Variants in PTPRG observed in about 807,000 individuals in gnomAD.
PTPRG encodes the protein protein tyrosine phosphatase receptor type G.
Under a neutral mutation model 165.3 loss-of-function variants are expected in PTPRG, and 102 were observed. The observed-to-expected ratio is 0.62, with a 90% CI of 0.53 to 0.73. The LOEUF (loss-of-function observed/expected upper bound fraction) is 0.73, where lower values mean the gene tolerates loss of function less well. Ranked by LOEUF, PTPRG falls within the 30% of genes least tolerant of loss-of-function variation. PTPRG has a pLI of 0.00. For synonymous variants in PTPRG, 675 were observed against 669.5 expected (o/e 1.01, Z -0.13); for missense variants, 1,866 against 1,861.4 (o/e 1.00, Z -0.05).
chr3:61,973,833 AAAATAAATAAAT>A (rs147291562), intron 2 of PTPRG, among the ~76,000 whole-genome samples: 1 of 150,160 alleles, frequency 6.7e-6, no homozygotes, highest in Admixed American at 6.6e-5. Flanking sequence ...ACTCCATTTC[AAAATAAATAAAT>A]AAATAAATAA....
chr3:62,224,444 T>G lies in PTPRG; in HGVS notation c.2288+5461T>G, dbSNP rs1471298585. 1.3e-5 allele frequency among the ~76,000 whole-genome samples: 2 copies of G among 152,210 alleles called. No individual in the cohort carries two copies. Among genetic ancestry groups the G allele is most frequent in the South Asian group, 4.1e-4 (2 of 4,830 alleles). ...GAGGAGGCACCAAGCTCTCAACTGC[T>G]TGGCCTAGAAGTGGAACCCTTCACT... is the stretch of plus-strand genomic sequence containing the variant. On this transcript the variant is annotated intron_variant, in intron 13 of 29. Coordinates refer to ENST00000474889, the MANE Select transcript of PTPRG (RefSeq NM_002841.4). The surrounding 1 kb of genome is among the most constrained non-coding windows in gnomAD (Gnocchi z 4.9).
chr3:62,125,590 C>T (rs1003588885), intron 5 of PTPRG, among the ~76,000 whole-genome samples: 2 of 152,000 alleles, frequency 1.3e-5, no homozygotes, highest in African/African-American at 4.8e-5. Context: ...AGTTGTCCAG[C>T]ACTGCCACAC....
chr3:62,177,613 C>G (rs1705473222), intron 8 of PTPRG, among the ~76,000 whole-genome samples: 1 of 152,036 alleles, frequency 6.6e-6, no homozygotes, highest in Non-Finnish European at 1.5e-5. Flanking sequence ...CAAGTCCTGT[C>G]CCCCTCTCCA....
chr3:61,641,787 A>G (rs956968830), intron 1 of PTPRG, among the ~76,000 whole-genome samples: 1 of 152,216 alleles, frequency 6.6e-6, no homozygotes, highest in African/African-American at 2.4e-5. Flanking sequence ...GACATGGGCT[A>G]TCATTTCAGT....
intron 1 of PTPRG, chr3:61,742,978 TGG>T (rs2033054886): frequency 6.6e-7 from 1 of 1,515,098 alleles, no homozygotes; most frequent in African/African-American, 1.4e-5. Flanking sequence ...CTTGTCCTTC[TGG>T]GGGTCATAGT....
intron 1 of PTPRG, among the ~76,000 whole-genome samples, chr3:61,731,939 T>C (rs1166911133): frequency 1.3e-5 from 2 of 151,990 alleles, no homozygotes; most frequent in African/African-American, 4.8e-5. Context: ...ATAACTGGTA[T>C]TACAGGCGCC....
intron 2 of PTPRG, among the ~76,000 whole-genome samples, chr3:61,936,242 TG>T (rs1164364318): frequency 6.6e-6 from 1 of 152,204 alleles, no homozygotes; most frequent in Non-Finnish European, 1.5e-5. Context: ...GCAGGAATTT[TG>T]TTACAGCAGC....
chr3:62,272,195 T>C (rs927926277), intron 21 of PTPRG, among the ~76,000 whole-genome samples: 1 of 152,200 alleles, frequency 6.6e-6, no homozygotes, highest in Non-Finnish European at 1.5e-5. Flanking sequence ...ACAAGAACTT[T>C]CCACACTAGA....
intron 28 of PTPRG, among the ~76,000 whole-genome samples, chr3:62,287,782 G>C (rs1349838631): frequency 6.6e-6 from 1 of 152,158 alleles, no homozygotes; most frequent in Non-Finnish European, 1.5e-5. Flanking sequence ...TAGTGATATA[G>C]AGAAGTTCGC....
intron 2 of PTPRG, among the ~76,000 whole-genome samples, chr3:61,985,703 A>G (rs950278729): frequency 1.3e-5 from 2 of 152,214 alleles, no homozygotes; most frequent in Non-Finnish European, 2.9e-5. Flanking sequence ...TTGATCATTA[A>G]GACTAAATTT....
chr3:62,237,119 A>T lies in PTPRG; in HGVS notation c.2375+5808A>T, dbSNP rs2106936216. Among the ~76,000 whole-genome samples, 1 of 152,262 alleles carries T rather than the reference A, an allele frequency of 6.6e-6. No individual in the cohort carries two copies. The highest frequency in any genetic ancestry group is 2.1e-4 in the South Asian group (1 of 4,820). ...TAAATTATTTCCAGGTTCTTGTCAG[A>T]AGGGCAGAAAAAGATATAAGAAAAT... On this transcript the variant is annotated intron_variant, in intron 14 of 29. Coordinates refer to ENST00000474889, the MANE Select transcript of PTPRG (RefSeq NM_002841.4). This position sits in a 1 kb window ranked among gnomAD's most constrained non-coding sequence, Gnocchi z 4.5.
intron 3 of PTPRG, among the ~76,000 whole-genome samples, chr3:61,994,523 A>T (rs1185277370): frequency 6.6e-6 from 1 of 152,196 alleles, no homozygotes; most frequent in Non-Finnish European, 1.5e-5. Context: ...TTCAATTCAC[A>T]CAAGAATCAA....
intron 4 of PTPRG, among the ~76,000 whole-genome samples, chr3:62,027,605 C>T (rs895684784): frequency 3.9e-5 from 6 of 152,162 alleles, no homozygotes; most frequent in South Asian, 2.1e-4. Context: ...CAAATATTTT[C>T]GAGTGCCAAC....
rs537454595 is a variant in PTPRG, at chr3:62,186,446, G to A, written c.1034-5023G>A. Among the ~76,000 whole-genome samples, 11 of 152,212 alleles carry A rather than the reference G, an allele frequency of 7.2e-5. No individual in the cohort carries two copies. The South Asian group carries it at 2.3e-3, about 32-fold the overall frequency. On this transcript the variant is annotated intron_variant, in intron 8 of 29. Coordinates refer to ENST00000474889, the MANE Select transcript of PTPRG (RefSeq NM_002841.4). ...GGGGACACAGAGGTGGGTAGGTGGT[G>A]AGGACAGAGGGTGATGGGCACACAG...
intron 4 of PTPRG, among the ~76,000 whole-genome samples, chr3:62,032,018 G>A (rs1699785504): frequency 6.6e-6 from 1 of 152,164 alleles, no homozygotes; most frequent in Non-Finnish European, 1.5e-5. Context: ...GATTTGAGAG[G>A]CATTAATATG....
chr3:61,665,686 G>C (rs946974779), intron 1 of PTPRG, among the ~76,000 whole-genome samples: 1 of 152,022 alleles, frequency 6.6e-6, no homozygotes, highest in African/African-American at 2.4e-5. Flanking sequence ...AAATTAACTG[G>C]GTGTGGTGGC....
At chr3:62,150,728 A>G (rs560654339) in intron 6 of PTPRG, among the ~76,000 whole-genome samples, 3 of 152,348 alleles carry the variant, frequency 2.0e-5, no homozygotes, top group Admixed American at 6.5e-5. Flanking sequence ...GGCTAAAAAC[A>G]GAAGCTTGGG....
intron 2 of PTPRG, among the ~76,000 whole-genome samples, chr3:61,988,707 C>G (rs1192147022): frequency 6.6e-6 from 1 of 152,134 alleles, no homozygotes; most frequent in African/African-American, 2.4e-5. Context: ...CAGTCTTAAT[C>G]TTTCCAGTAA....
chr3:62,061,909 C>T lies in PTPRG; in HGVS notation c.520-16254C>T, dbSNP rs181566650. On this transcript the variant is annotated intron_variant, in intron 4 of 29. Transcript: ENST00000474889. ...CCTCCCAAAGTGTTAGGATTACAGG[C>T]GTGAGCCACTGCGCCCAGCTGCCTG... 1.2e-4 allele frequency among the ~76,000 whole-genome samples: 18 copies of T among 151,786 alleles called. No homozygotes were observed. The East Asian group carries it at 2.6e-3, about 22-fold the overall frequency.
Sources: allele counts gnomAD v4.1 joint callset (sites outside exome capture counted in the v4.1 genomes callset), GRCh38; gene constraint gnomAD v4.1.1; non-coding constraint Gnocchi (gnomAD v3.1); transcripts MANE v1.5; gene names NCBI Gene and HGNC (gene_info 2026-07-23, HGNC 2026-07-21).